Variants in CEP128 observed in about 807,000 individuals in gnomAD.
The protein encoded by CEP128 is centrosomal protein 128, also known as centrosomal protein 128kDa.
A neutral mutation model predicts 156.7 loss-of-function variants in CEP128; 132 were observed. That is an observed-to-expected ratio of 0.84 (90% CI 0.73 to 0.97). CEP128 has a LOEUF of 0.97. CEP128 is among the 50% of genes least tolerant of loss of function. CEP128 has a pLI of 0.00. For synonymous variants in CEP128, 469 were observed against 448.9 expected (o/e 1.04, Z -0.57); for missense variants, 1,252 against 1,281.9 (o/e 0.98, Z 0.36).
chr14:80,878,130 C>T (rs1202600382), intron 8 of CEP128, among the ~76,000 whole-genome samples: 1 of 152,126 alleles, frequency 6.6e-6, no homozygotes, highest in African/African-American at 2.4e-5. Context: ...CCTGGTCCTC[C>T]AGCATATTAG....
chr14:80,707,594 A>G (rs1399494096), intron 19 of CEP128, among the ~76,000 whole-genome samples: 1 of 152,186 alleles, frequency 6.6e-6, no homozygotes, highest in Non-Finnish European at 1.5e-5. Context: ...GAAGCTGTAC[A>G]TACACATCAA....
chr14:80,808,328 C>T (rs1000492579), intron 13 of CEP128, among the ~76,000 whole-genome samples: 5 of 152,212 alleles, frequency 3.3e-5, no homozygotes, highest in Admixed American at 3.3e-4. Context: ...GTCAGGATCC[C>T]TCCCCACCTC....
In CEP128 at chr14:80,861,053, A is replaced by C. The variant is rs191100257; in HGVS notation, c.762+1704T>G. On this transcript the variant is annotated intron_variant, in intron 9 of 24. Transcript: ENST00000555265. ...TCTAAAATGATAGTAACAAAATATA[A>C]CCAATATAATAAAATAAAAATCCAT... Among the ~76,000 whole-genome samples, 129 of 152,146 alleles carry C rather than the reference A, an allele frequency of 8.5e-4. 2 individuals carry two copies. The highest frequency in any genetic ancestry group is 1.7e-3 in the East Asian group (9 of 5,180).
At chr14:80,822,505 C>A in intron 13 of CEP128, 2 of 626,018 alleles carry the variant, frequency 3.2e-6, no homozygotes, top group East Asian at 3.5e-5. Flanking sequence ...GCGTCCACCA[C>A]CTACATCCTG....
At chr14:80,668,678 T>G (rs1895723374) in intron 19 of CEP128, among the ~76,000 whole-genome samples, 1 of 151,994 alleles carries the variant, frequency 6.6e-6, no homozygotes, top group Non-Finnish European at 1.5e-5. Flanking sequence ...TACAGAAAAT[T>G]TTGAGTTCTC....
chr14:80,899,867 T>C lies in CEP128; in HGVS notation c.572+71A>G, dbSNP rs181230567. ...CATTTTTTAAAAATCTAGATAAATATGTCAATTACAGAAGCTAATTTATTC... is the reference window on the plus strand; with the variant it reads ...CATTTTTTAAAAATCTAGATAAATACGTCAATTACAGAAGCTAATTTATTC... On this transcript the variant is annotated intron_variant, in intron 7 of 24. Transcript: ENST00000555265. The C allele has an allele frequency of 2.1e-4, 224 of 1,059,698 alleles. 1 individual carries two copies. The African/African-American group carries it at 3.1e-3, about 15-fold the overall frequency. 65.6% of individuals were successfully genotyped at this position (1,059,698 alleles called of 1,614,324 possible).
At chr14:80,798,270 G>A (rs903477325) in intron 13 of CEP128, among the ~76,000 whole-genome samples, 1 of 152,204 alleles carries the variant, frequency 6.6e-6, no homozygotes, top group African/African-American at 2.4e-5. Context: ...CTGGTAGTTG[G>A]AAGGATTTAT....
chr14:80,678,032 T>A (rs968245537), intron 19 of CEP128, among the ~76,000 whole-genome samples: 4 of 104,634 alleles, frequency 3.8e-5, no homozygotes, highest in Non-Finnish European at 7.4e-5. Flanking sequence ...ACATGGACAG[T>A]TGCTCTATAA....
intron 13 of CEP128, among the ~76,000 whole-genome samples, chr14:80,804,904 G>A (rs1295115786): frequency 6.6e-6 from 1 of 151,982 alleles, no homozygotes; most frequent in Non-Finnish European, 1.5e-5. Flanking sequence ...GAATTCAACC[G>A]ACATTCACTT....
Position 80,916,580 on chromosome 14 carries a change from G to A in CEP128, c.-15-18C>T. ...CACAAATCCTTTTAAATAAATATAG[G>A]TCAAAGTTAATGAAACAGTAAAAAG... On this transcript the variant is annotated intron_variant, in intron 2 of 24. Transcript: ENST00000555265. 6 of 1,582,142 alleles carry A rather than the reference G, an allele frequency of 3.8e-6. No individual in the cohort carries two copies. Among genetic ancestry groups the A allele is most frequent in the Non-Finnish European group, 5.2e-6 (6 of 1,158,878 alleles).
At chr14:80,881,934 T>C (rs1396465914) in intron 8 of CEP128, among the ~76,000 whole-genome samples, 1 of 152,166 alleles carries the variant, frequency 6.6e-6, no homozygotes, top group African/African-American at 2.4e-5. Context: ...ACTGAAAGCC[T>C]TTCCTCTAAG....
At chr14:80,636,415 C>T (rs925256971) in intron 19 of CEP128, among the ~76,000 whole-genome samples, 1 of 152,196 alleles carries the variant, frequency 6.6e-6, no homozygotes, top group Non-Finnish European at 1.5e-5. Context: ...TTCTCAAATA[C>T]AGTCAGTTAT....
rs191298724 is a variant in CEP128 at position 80,752,723 on chromosome 14, C to A, written c.2613+4169G>T. On this transcript the variant is annotated intron_variant, in intron 18 of 24. Coordinates refer to ENST00000555265, the MANE Select transcript of CEP128 (RefSeq NM_152446.5). ...CAACCAAGGGAGACAAATGATGGAA[C>A]AGAGTTCCGAGACCTGAGTTCTAAG... Among the ~76,000 whole-genome samples, 305 of 152,276 alleles carry A rather than the reference C, an allele frequency of 2.0e-3. 1 individual carries two copies. Among genetic ancestry groups the A allele is most frequent in the Non-Finnish European group, 2.4e-3 (160 of 68,022 alleles).
At chr14:80,909,245 A>C (rs553731386) in intron 4 of CEP128, among the ~76,000 whole-genome samples, 2 of 152,268 alleles carry the variant, frequency 1.3e-5, no homozygotes, top group South Asian at 4.1e-4. Context: ...TCTCAGTAGA[A>C]GAGTTGATCT....
chr14:80,587,114 T>C (rs1440226586), intron 19 of CEP128, among the ~76,000 whole-genome samples: 2 of 152,114 alleles, frequency 1.3e-5, no homozygotes, highest in African/African-American at 4.8e-5. Context: ...CAAACAGTTG[T>C]AATTTAAAAC....
chr14:80,648,639 C>T (rs1894763950), intron 19 of CEP128, among the ~76,000 whole-genome samples: 1 of 152,020 alleles, frequency 6.6e-6, no homozygotes, highest in Non-Finnish European at 1.5e-5. Flanking sequence ...AGAATACCTA[C>T]ATATTTGTAA....
chr14:80,538,115 A>G (rs1436271174), intron 21 of CEP128, among the ~76,000 whole-genome samples: 1 of 152,098 alleles, frequency 6.6e-6, no homozygotes, highest in East Asian at 1.9e-4. Context: ...TGTGAATGTG[A>G]ACTGAAAAGT....
At chr14:80,546,924 T>G (rs759796767) in intron 21 of CEP128, among the ~76,000 whole-genome samples, 1 of 152,190 alleles carries the variant, frequency 6.6e-6, no homozygotes, top group Non-Finnish European at 1.5e-5. Flanking sequence ...TGTTAAATAA[T>G]TAACAAGAGA....
At chr14:80,628,026 C>T (rs1351710338) in intron 19 of CEP128, among the ~76,000 whole-genome samples, 1 of 152,112 alleles carries the variant, frequency 6.6e-6, no homozygotes, top group Non-Finnish European at 1.5e-5. Flanking sequence ...GGCAGTCTAG[C>T]TTCGGGAGTA....
Sources: gnomAD v4.1 joint callset for allele counts (sites outside exome capture counted in the v4.1 genomes callset) on GRCh38, gnomAD v4.1.1 for gene constraint, MANE v1.5 for transcripts, NCBI Gene and HGNC (gene_info 2026-07-23, HGNC 2026-07-21) for gene names.